The following PRKG2 variants were observed in gnomAD, a reference collection of about 807,000 sequenced individuals.
PRKG2 encodes protein kinase cGMP-dependent 2, also known as cGMP-dependent protein kinase 2.
In PRKG2, 33 loss-of-function variants were observed where a neutral mutation model predicts 97.2. That is an observed-to-expected ratio of 0.34 (90% CI 0.26 to 0.45). PRKG2 has a LOEUF of 0.45. PRKG2 is among the 20% of genes least tolerant of loss of function. The pLI is 1.00. For synonymous variants in PRKG2, 330 were observed against 321.8 expected, an observed-to-expected ratio of 1.03 and a Z score of -0.27; for missense variants, 638 against 900.0, an observed-to-expected ratio of 0.71 and a Z score of 3.73.
intron 7 of PRKG2, 56 bp downstream of exon 7, chr4:81,153,588 T>C (rs377109614): frequency 1.4e-6 from 2 of 1,398,988 alleles, no homozygotes; most frequent in African/African-American, 1.4e-5. Flanking sequence ...GTTGAGTTTA[T>C]GGCAAACTGA....
At chr4:81,096,412 C>T (rs1255117490) in intron 17 of PRKG2, among the ~76,000 whole-genome samples, 1 of 151,986 alleles carries the variant, frequency 6.6e-6, no homozygotes, top group Non-Finnish European at 1.5e-5. Flanking sequence ...GGCATGCACC[C>T]ATAGTTCCAG....
intron 2 of PRKG2, among the ~76,000 whole-genome samples, chr4:81,184,115 G>C (rs60138132): frequency 6.6e-5 from 10 of 152,194 alleles, no homozygotes; most frequent in African/African-American, 2.2e-4. Flanking sequence ...AGAGAGCAGC[G>C]TATCTCCCAG....
chr4:81,188,586 C>T (rs1426897522), intron 2 of PRKG2, among the ~76,000 whole-genome samples: 37 of 134,256 alleles, frequency 2.8e-4, no homozygotes, highest in Middle Eastern at 3.5e-3. Context: ...ATGTTTATTG[C>T]GGCACTATTC....
At chr4:81,177,202 T>A (rs1329250763) in intron 2 of PRKG2, among the ~76,000 whole-genome samples, 2 of 152,186 alleles carry the variant, frequency 1.3e-5, no homozygotes, top group Non-Finnish European at 2.9e-5. Flanking sequence ...CTAGAGTACT[T>A]ATATTCATAT....
chr4:81,187,709 C>T (rs12499472), intron 2 of PRKG2, among the ~76,000 whole-genome samples: 1,656 of 152,156 alleles, frequency 0.011, 99 homozygotes, highest in Admixed American at 0.088. Flanking sequence ...TTGTATATTT[C>T]GCAAACCCCA....
intron 1 of PRKG2, among the ~76,000 whole-genome samples, chr4:81,211,526 T>C (rs1299632686): frequency 6.6e-6 from 1 of 152,164 alleles, no homozygotes; most frequent in Non-Finnish European, 1.5e-5. Flanking sequence ...ATCTGAATCT[T>C]AAGATACACT....
In PRKG2 at chr4:81,105,890, A is replaced by G. The variant is rs146882243; in HGVS notation, c.1986T>C (p.Ile662=). Residue 662 remains isoleucine, a synonymous_variant, in exon 16 of 19, where the codon ATT becomes ATC. Transcript: ENST00000264399. ...GVDQMMTYNL[I]LKGIEKMDFP... ...AATCCATTTTTTCAATTCCTTTGAG[A>G]ATCAAATTGTAGGTCATCATTTGGT... 4.5e-5 allele frequency: 72 copies of G among 1,613,786 alleles called. No individual in the cohort carries two copies. The African/African-American group carries it at 8.0e-4, about 18-fold the overall frequency.
At chr4:81,212,812 A>G (rs868582847) in intron 1 of PRKG2, among the ~76,000 whole-genome samples, 2 of 152,214 alleles carry the variant, frequency 1.3e-5, no homozygotes, top group Admixed American at 1.3e-4. Flanking sequence ...AAACTGTAAG[A>G]TATGGTAAGA....
In PRKG2 at chr4:81,105,887, G is replaced by A. The variant is rs934995848; in HGVS notation, c.1989C>T (p.Leu663=). The change falls in exon 16 of 19, where the codon CTC becomes CTT. Residue 663 remains leucine, a synonymous_variant. Coordinates refer to ENST00000264399, the MANE Select transcript of PRKG2 (RefSeq NM_006259.3). ...GAAAATCCATTTTTTCAATTCCTTT[G>A]AGAATCAAATTGTAGGTCATCATTT... ...VDQMMTYNLI[L]KGIEKMDFPR... The A allele has an allele frequency of 6.2e-7, 1 of 1,613,718 alleles. No homozygotes were observed. The highest frequency in any genetic ancestry group is 1.1e-5 in the South Asian group (1 of 91,064).
At chr4:81,169,438 G>A (rs534618266) in intron 5 of PRKG2, among the ~76,000 whole-genome samples, 56 of 151,998 alleles carry the variant, frequency 3.7e-4, no homozygotes, top group Admixed American at 8.5e-4. Flanking sequence ...CAATACAAGG[G>A]CAAAAACTAG....
At chr4:81,195,019 ACTT>A (rs1310979296) in intron 2 of PRKG2, among the ~76,000 whole-genome samples, 4 of 152,108 alleles carry the variant, frequency 2.6e-5, no homozygotes, top group Admixed American at 2.6e-4. Context: ...AGGCATCAGT[ACTT>A]CTTATTACAG....
At chr4:81,165,128 C>T (rs867831289) in intron 6 of PRKG2, 2 of 152,108 alleles carry the variant, frequency 1.3e-5, no homozygotes, top group Non-Finnish European at 2.9e-5. Flanking sequence ...TTCCCACCCT[C>T]GTTTTCTTAT....
At chr4:81,201,726 T>G (rs1753326603) in intron 2 of PRKG2, among the ~76,000 whole-genome samples, 2 of 152,334 alleles carry the variant, frequency 1.3e-5, no homozygotes, top group South Asian at 4.1e-4. Flanking sequence ...CATCAAATTT[T>G]ATTCTCTGGC....
At chr4:81,174,743 A>C (rs781473496) in intron 3 of PRKG2, 50 bp downstream of exon 3, 1 of 1,515,466 alleles carries the variant, frequency 6.6e-7, no homozygotes, top group Non-Finnish European at 8.9e-7. Context: ...GCAGAAAATC[A>C]TAACAGGCAA....
intron 7 of PRKG2, among the ~76,000 whole-genome samples, chr4:81,153,273 G>T (rs1748598375): frequency 6.6e-6 from 1 of 152,108 alleles, no homozygotes; most frequent in African/African-American, 2.4e-5. Context: ...CCTGCTACTT[G>T]TCATATCTAT....
chr4:81,179,171 T>A (rs1282554986), intron 2 of PRKG2, among the ~76,000 whole-genome samples: 2 of 150,420 alleles, frequency 1.3e-5, no homozygotes, highest in East Asian at 3.9e-4. Flanking sequence ...TTAGCTTAAA[T>A]CAATTAAAAA....
chr4:81,128,225 C>T (rs1201306846), intron 14 of PRKG2, among the ~76,000 whole-genome samples: 2 of 152,136 alleles, frequency 1.3e-5, no homozygotes, highest in Admixed American at 6.5e-5. Context: ...CTGCTGGATT[C>T]GGTTTGCCAG....
intron 14 of PRKG2, among the ~76,000 whole-genome samples, chr4:81,124,722 C>T (rs538543634): frequency 3.9e-5 from 6 of 152,222 alleles, no homozygotes; most frequent in Non-Finnish European, 7.4e-5. Flanking sequence ...CTGCAGCCCC[C>T]GACACCATCT....
At chr4:81,174,622 A>C (rs959839248) in intron 3 of PRKG2, among the ~76,000 whole-genome samples, 171 bp downstream of exon 3, 2 of 152,050 alleles carry the variant, frequency 1.3e-5, no homozygotes, top group African/African-American at 4.8e-5. Flanking sequence ...TATTACCATC[A>C]ATTAAACATT....
Sources: gnomAD v4.1 joint callset for allele counts (sites outside exome capture counted in the v4.1 genomes callset) on GRCh38, gnomAD v4.1.1 for gene constraint, MANE v1.5 for transcripts, NCBI Gene and HGNC (gene_info 2026-07-23, HGNC 2026-07-21) for gene names.